NTRK2: variants seen among roughly 807,000 people sequenced by gnomAD.
NTRK2 encodes neurotrophic receptor tyrosine kinase 2, also known as BDNF/NT-3 growth factors receptor.
In NTRK2, 13 loss-of-function variants were observed where a neutral mutation model predicts 94.5. The observed-to-expected ratio is 0.14, with a 90% CI of 0.09 to 0.22. NTRK2 has a LOEUF of 0.22. NTRK2 is among the 10% of genes least tolerant of loss of function. NTRK2 has a pLI of 1.00. For synonymous variants in NTRK2, 372 were observed against 407.4 expected (o/e 0.91, Z 1.05); for missense variants, 639 against 1,071.2 (o/e 0.60, Z 5.63).
chr9:85,015,253 T>C (rs1832085559), intron 17 of NTRK2, among the ~76,000 whole-genome samples: 1 of 152,194 alleles, frequency 6.6e-6, no homozygotes, highest in Non-Finnish European at 1.5e-5. Context: ...ACACTCCCCC[T>C]GTCTACTGTA....
intron 6 of NTRK2, among the ~76,000 whole-genome samples, chr9:84,720,357 G>A (rs571339593): frequency 1.2e-4 from 19 of 152,280 alleles, no homozygotes; most frequent in South Asian, 4.2e-4. Context: ...GTGAGGCCAT[G>A]GGAACCATAA....
At chr9:84,723,097 T>G (rs1291916972) in intron 6 of NTRK2, among the ~76,000 whole-genome samples, 1 of 152,230 alleles carries the variant, frequency 6.6e-6, no homozygotes, top group Non-Finnish European at 1.5e-5. Flanking sequence ...TTGTGAGAGT[T>G]ACTTAAAGCA....
intron 16 of NTRK2, among the ~76,000 whole-genome samples, chr9:84,951,814 TG>T (rs2078793169): frequency 6.6e-6 from 1 of 152,208 alleles, no homozygotes; most frequent in South Asian, 2.1e-4. Flanking sequence ...GCAAGGGAGC[TG>T]GGCACTTAGC....
chr9:84,888,522 A>C (rs2076485451), intron 14 of NTRK2, among the ~76,000 whole-genome samples: 1 of 146,108 alleles, frequency 6.8e-6, no homozygotes. Flanking sequence ...CTGAGGCAGG[A>C]GAATCGCTTG....
At chr9:84,911,149 C>T (rs138578615) in intron 14 of NTRK2, among the ~76,000 whole-genome samples, 5 of 152,180 alleles carry the variant, frequency 3.3e-5, no homozygotes, top group East Asian at 1.9e-4. Context: ...GAATGAACCC[C>T]GCTTGATCAT....
At chr9:85,019,517 C>T (rs950864590) in intron 17 of NTRK2, among the ~76,000 whole-genome samples, 4 of 152,078 alleles carry the variant, frequency 2.6e-5, no homozygotes, top group South Asian at 2.1e-4. Context: ...ATCTGATGCC[C>T]CAGTCTCAGT....
At chr9:84,926,161 C>CCTTT (rs1564470998) in intron 14 of NTRK2, among the ~76,000 whole-genome samples, 2 of 63,780 alleles carry the variant, frequency 3.1e-5, no homozygotes, top group African/African-American at 1.1e-4. Flanking sequence ...TTCCTTCCTT[C>CCTTT]CTTCCTTCCT....
chr9:84,675,632 T>C (rs901572405), intron 2 of NTRK2, among the ~76,000 whole-genome samples: 2 of 152,024 alleles, frequency 1.3e-5, no homozygotes, highest in Non-Finnish European at 2.9e-5. Context: ...ATGGCAAAGT[T>C]TTTACTTGTT....
At chr9:84,953,458 C>G (rs1823723598) in intron 16 of NTRK2, among the ~76,000 whole-genome samples, 1 of 152,222 alleles carries the variant, frequency 6.6e-6, no homozygotes, top group Non-Finnish European at 1.5e-5. Context: ...ATGTAACTCA[C>G]CCAAAATCAC....
At chr9:84,674,637 C>T (rs1400735817) in intron 2 of NTRK2, among the ~76,000 whole-genome samples, 1 of 152,204 alleles carries the variant, frequency 6.6e-6, no homozygotes, top group Non-Finnish European at 1.5e-5. Flanking sequence ...GTTACATAAG[C>T]CACACTAGAC....
chr9:84,765,392 C>A (rs781664847), intron 12 of NTRK2, among the ~76,000 whole-genome samples: 1 of 152,100 alleles, frequency 6.6e-6, no homozygotes, highest in African/African-American at 2.4e-5. Context: ...AGCCTAAATG[C>A]TTTCAGGATT....
intron 6 of NTRK2, among the ~76,000 whole-genome samples, chr9:84,712,954 A>G (rs1379888673): frequency 6.6e-6 from 1 of 152,228 alleles, no homozygotes; most frequent in Non-Finnish European, 1.5e-5. Flanking sequence ...TGCTTTTTAC[A>G]CATATGTACA....
chr9:84,926,896 A>C (rs2132651445), intron 14 of NTRK2, among the ~76,000 whole-genome samples: 1 of 152,310 alleles, frequency 6.6e-6, no homozygotes, highest in African/African-American at 2.4e-5. Flanking sequence ...CTCCTTATGC[A>C]ATGCCTTGGG....
chr9:84,931,715 G>GC, intron 14 of NTRK2, among the ~76,000 whole-genome samples: 1 of 95,656 alleles, frequency 1.0e-5, no homozygotes, highest in East Asian at 3.4e-4. Flanking sequence ...GTAATAAAAT[G>GC]CAAAAAAAAA....
chr9:84,791,769 T>C (rs1002670163), intron 12 of NTRK2, among the ~76,000 whole-genome samples: 2 of 152,236 alleles, frequency 1.3e-5, no homozygotes, highest in South Asian at 2.1e-4. Context: ...TCTCATAGTT[T>C]AGTGAGAAAG....
intron 14 of NTRK2, among the ~76,000 whole-genome samples, chr9:84,883,460 G>T (rs77681807): frequency 0.025 from 3,788 of 152,246 alleles, 157 homozygotes; most frequent in African/African-American, 0.085. Flanking sequence ...GGTTTTGAGG[G>T]TATAGTAGCA....
At chr9:84,885,107 C>G (rs2076373253) in intron 14 of NTRK2, among the ~76,000 whole-genome samples, 1 of 152,206 alleles carries the variant, frequency 6.6e-6, no homozygotes, top group Admixed American at 6.5e-5. Context: ...AAATATGTCT[C>G]CAGGTCTAAT....
chr9:84,865,493 A>C (rs1385077551), intron 13 of NTRK2, among the ~76,000 whole-genome samples: 1 of 152,076 alleles, frequency 6.6e-6, no homozygotes, highest in East Asian at 1.9e-4. Context: ...GGGGGATGAG[A>C]TATTATTATA....
At chr9:84,820,733 G>A (rs1564350504) in intron 12 of NTRK2, among the ~76,000 whole-genome samples, 1 of 152,212 alleles carries the variant, frequency 6.6e-6, no homozygotes, top group Non-Finnish European at 1.5e-5. Flanking sequence ...GATCAAGTGT[G>A]TATGTCGGCC....
Sources: allele counts gnomAD v4.1 joint callset (sites outside exome capture counted in the v4.1 genomes callset), GRCh38; gene constraint gnomAD v4.1.1; transcripts MANE v1.5; gene names NCBI Gene and HGNC (gene_info 2026-07-23, HGNC 2026-07-21).